Variants in ACP3 observed in about 807,000 individuals in gnomAD.
ACP3 encodes prostatic acid phosphatase.
In ACP3, 38 loss-of-function variants were observed where a neutral mutation model predicts 45.6. The observed-to-expected ratio is 0.83, with a 90% CI of 0.64 to 1.09. The LOEUF (loss-of-function observed/expected upper bound fraction) is 1.09. Among genes scored for constraint, ACP3 ranks in the 50% least tolerant of loss-of-function variants. The pLI is 0.00. For missense variants in ACP3, 466 were observed against 463.2 expected (o/e 1.01, Z -0.05); for synonymous variants, 162 against 164.7 (o/e 0.98, Z 0.13).
Position 132,338,537 on chromosome 3 carries a change from G to T in ACP3, c.555+983G>T, listed in dbSNP as rs375058772. On this transcript the variant is annotated intron_variant, in intron 5 of 9. Transcript: ENST00000336375. ...ATACCTGTGGGATAATATCCTAGAA[G>T]TAGACATTCTGGGTTAATCTGAAAT... Among the ~76,000 whole-genome samples, 17 of 152,278 alleles carry T rather than the reference G, an allele frequency of 1.1e-4. 2 individuals carry two copies. Among genetic ancestry groups the T allele is most frequent in the Admixed American group, 3.3e-4 (5 of 15,294 alleles).
intron 5 of ACP3, 38 bp downstream of exon 5, chr3:132,337,592 TG>T (rs762964917): frequency 2.2e-6 from 3 of 1,374,728 alleles, no homozygotes; most frequent in Non-Finnish European, 3.1e-6. Context: ...CTTGTTAGTT[TG>T]TTAGTGGTAC....
chr3:132,359,279 A>G (rs999509143), downstream of ACP3, among the ~76,000 whole-genome samples: 47 of 152,212 alleles, frequency 3.1e-4, no homozygotes, highest in Admixed American at 1.1e-3. Context: ...TTGGGAGGCC[A>G]AGGTGGGCGG....
At chr3:132,358,866 G>A (rs1937979400), downstream of ACP3, 4 of 984,736 alleles carry the variant, frequency 4.1e-6, no homozygotes, top group Non-Finnish European at 4.8e-6. Context: ...TGGGGTTTTT[G>A]TTTTAGTATA....
chr3:132,368,276 T>C (rs1433829368), exon 11 of ACP3: 2 of 154,376 alleles, frequency 1.3e-5, no homozygotes, highest in African/African-American at 4.8e-5. Flanking sequence ...TCATAAATTA[T>C]AAATAAACTT....
chr3:132,321,106 A>G (rs1213014511), intron 1 of ACP3, among the ~76,000 whole-genome samples: 1 of 152,078 alleles, frequency 6.6e-6, no homozygotes, highest in Non-Finnish European at 1.5e-5. Flanking sequence ...GTGAGGCCAC[A>G]TTGAGCTAGG....
intron 1 of ACP3, among the ~76,000 whole-genome samples, chr3:132,322,883 T>A (rs1028526379): frequency 2.6e-5 from 4 of 152,242 alleles, no homozygotes; most frequent in Non-Finnish European, 5.9e-5. Flanking sequence ...TAATAGGTTA[T>A]CACAGAAGTG....
intron 4 of ACP3, among the ~76,000 whole-genome samples, chr3:132,334,955 G>A (rs1348062837): frequency 1.3e-5 from 2 of 151,732 alleles, no homozygotes; most frequent in Non-Finnish European, 2.9e-5. Context: ...AGGGATTTGT[G>A]AAAGTCAAGT....
At position 132,331,675 on chromosome 3, in the gene ACP3, G is replaced by T; in HGVS notation, c.245G>T (p.Gly82Val). 2 of 1,605,044 alleles carry T rather than the reference G, an allele frequency of 1.2e-6. No individual in the cohort carries two copies. The highest frequency in any genetic ancestry group is 3.3e-4 in the Middle Eastern group (2 of 6,032). ...GGCATGGAGCAGCATTATGAACTTGGAGAGTATATAAGAAAGAGATATAGA... is the reference window on the plus strand; with the variant it reads ...GGCATGGAGCAGCATTATGAACTTGTAGAGTATATAAGAAAGAGATATAGA... ...QLGMEQHYEL[G>V]EYIRKRYRKF... The change falls in exon 3 of 10, where the codon GGA becomes GTA. Residue 82 changes from glycine (G) to valine (V), a missense_variant. By Grantham distance (109) the Gly-to-Val change is moderately radical. Transcript: ENST00000336375.
chr3:132,339,668 G>A lies in ACP3; in HGVS notation c.555+2114G>A, dbSNP rs368228153. ...AAGGAAAAGGTCAAGGAGCTTGCCT[G>A]CCTTCTTCAGGACCACCACATTCCA... On this transcript the variant is annotated intron_variant, in intron 5 of 9. Transcript: ENST00000336375. 2.6e-5 allele frequency among the ~76,000 whole-genome samples: 4 copies of A among 152,342 alleles called. No individual in the cohort carries two copies. In the East Asian group the frequency reaches 7.7e-4, roughly 29 times the overall value.
At position 132,354,353 on chromosome 3, in the gene ACP3, C is replaced by T. The variant is rs537134423; in HGVS notation, c.968+1530C>T. Among the ~76,000 whole-genome samples the T allele has an allele frequency of 4.6e-5, 7 of 152,248 alleles. No individual in the cohort carries two copies. In the South Asian group the frequency reaches 1.5e-3, roughly 32 times the overall value. The stretch of plus-strand genomic sequence containing the variant: ...GAAGCATTTTCTCCCACTGAATTGC[C>T]TTGTTTTACGACCCTGAGTTAAATC... On this transcript the variant is annotated intron_variant, in intron 9 of 9. Coordinates refer to ENST00000336375, the MANE Select transcript of ACP3 (RefSeq NM_001099.5).
At chr3:132,343,274 ACC>A (rs1163736591) in intron 6 of ACP3, among the ~76,000 whole-genome samples, 1 of 152,120 alleles carries the variant, frequency 6.6e-6, no homozygotes, top group Non-Finnish European at 1.5e-5. Flanking sequence ...GATTCTGACC[ACC>A]CACCTAATTC....
At chr3:132,324,039 G>A (rs11712444) in intron 1 of ACP3, among the ~76,000 whole-genome samples, 31,717 of 151,886 alleles carry the variant, frequency 0.21, 3,511 homozygotes, top group African/African-American at 0.25. Context: ...CCAACATGGC[G>A]AAACCCCGTC....
At position 132,349,945 on chromosome 3, in the gene ACP3, T is replaced by C. The variant is rs750715258; in HGVS notation, c.807T>C (p.Asn269=). The change falls in exon 8 of 10, where the codon AAT becomes AAC. Residue 269 remains asparagine, a synonymous_variant. Coordinates refer to ENST00000336375, the MANE Select transcript of ACP3 (RefSeq NM_001099.5). ...GTGTCCTGGTCAATGAAATCCTCAA[T>C]CACATGAAGAGAGCAACTCAGATAC... The part of the protein sequence containing the change: ...QGGVLVNEIL[N]HMKRATQIPS... 1.9e-6 allele frequency: 3 copies of C among 1,612,898 alleles called. No individual in the cohort carries two copies. The Admixed American group carries it at 5.0e-5, about 27-fold the overall frequency.
intron 1 of ACP3, among the ~76,000 whole-genome samples, chr3:132,323,523 TATA>T (rs1170205003): frequency 3.9e-5 from 6 of 152,150 alleles, no homozygotes; most frequent in Non-Finnish European, 8.8e-5. Flanking sequence ...GAGCAAGAAT[TATA>T]ATGATGGTCA....
chr3:132,330,735 A>C (rs1937385192), intron 2 of ACP3, among the ~76,000 whole-genome samples: 1 of 152,180 alleles, frequency 6.6e-6, no homozygotes, highest in Admixed American at 6.5e-5. Context: ...CCACCGTAAC[A>C]ACCTCCTCTC....
intron 10 of ACP3, among the ~76,000 whole-genome samples, chr3:132,367,041 T>C (rs9873881): frequency 0.22 from 33,841 of 152,084 alleles, 3,933 homozygotes; most frequent in South Asian, 0.28. Context: ...TTAGAGATGG[T>C]ACAAACTGGT....
At chr3:132,326,411 C>T (rs761237644) in intron 1 of ACP3, among the ~76,000 whole-genome samples, 2 of 152,150 alleles carry the variant, frequency 1.3e-5, no homozygotes, top group Non-Finnish European at 2.9e-5. Flanking sequence ...ATAATCATTT[C>T]TGATCATGAC....
At chr3:132,361,551 A>G (rs1349696010), downstream of ACP3, among the ~76,000 whole-genome samples, 1 of 152,148 alleles carries the variant, frequency 6.6e-6, no homozygotes, top group Non-Finnish European at 1.5e-5. Flanking sequence ...GTCCAAGCCT[A>G]TTGTCACCAT....
In ACP3 at chr3:132,357,031, C is replaced by G; in HGVS notation, c.*153C>G. ...AGGGACCCCCAACCTCAGGCAATTC[C>G]TACCTCTTCACCTGACCCTGCCCCC... On this transcript the variant is annotated 3_prime_UTR_variant, in exon 10 of 10. Transcript: ENST00000336375. 7.2e-7 allele frequency: 1 copy of G among 1,390,348 alleles called. No individual in the cohort carries two copies. The highest frequency in any genetic ancestry group is 9.3e-7 in the Non-Finnish European group (1 of 1,075,374). 86.1% of individuals were successfully genotyped at this position (1,390,348 alleles called of 1,614,324 possible). A position where few individuals can be genotyped will look rare whatever the true frequency, so the allele number is the denominator to read the frequency against.
Sources: allele counts gnomAD v4.1 joint callset (sites outside exome capture counted in the v4.1 genomes callset), GRCh38; gene constraint gnomAD v4.1.1; transcripts MANE v1.5; gene names NCBI Gene and HGNC (gene_info 2026-07-23, HGNC 2026-07-21).